The following CBX1 variants were observed in gnomAD, a reference collection of about 807,000 sequenced individuals.
The protein encoded by CBX1 is chromobox 1.
CBX1 carries 10 observed loss-of-function variants against 25.1 expected under a neutral mutation model. The observed-to-expected ratio is 0.40, with a 90% confidence interval of 0.25 to 0.68. CBX1 has a LOEUF of 0.68. CBX1 is among the 30% of genes least tolerant of loss of function. CBX1 has a pLI of 0.40. For synonymous variants in CBX1, 63 were observed against 79.4 expected (o/e 0.79, Z 1.10); for missense variants, 106 against 218.5 (o/e 0.49, Z 3.25).
rs748954073 is a variant in CBX1, at chr17:48,071,423, T to G, written c.*12A>C. 6.2e-7 allele frequency: 1 copy of G among 1,600,284 alleles called. No homozygotes were observed. Among genetic ancestry groups the G allele is most frequent in the Non-Finnish European group, 8.5e-7 (1 of 1,174,110 alleles). ...CACAGTCAGATGTGACAGGGGCTGG[T>G]ACTCAGGAGCGTTAGTTCTTGTCAT... On this transcript the variant is annotated 3_prime_UTR_variant, in exon 5 of 5. Transcript: ENST00000225603.
At position 48,077,843 on chromosome 17, in the gene CBX1, G is replaced by A. The variant is rs201634688; in HGVS notation, c.-37-802C>T. Among the ~76,000 whole-genome samples the A allele has an allele frequency of 7.2e-5, 11 of 152,142 alleles. No individual in the cohort carries two copies. In the East Asian group the frequency reaches 7.8e-4, roughly 11 times the overall value. ...CAAAAAAACCGTTGTAAAAGAGCAC[G>A]GTAGCTAAAATATTGCATTAAATTG... On this transcript the variant is annotated intron_variant, in intron 1 of 4. Transcript: ENST00000225603.
intron 1 of CBX1, 169 bp downstream of exon 1, chr17:48,101,099 C>A: frequency 1.0e-6 from 1 of 986,416 alleles, no homozygotes; most frequent in Non-Finnish European, 1.2e-6. Context: ...GACGCCTCAG[C>A]GACAGGCGAA....
At chr17:48,081,491 T>G (rs1210043904) in intron 1 of CBX1, among the ~76,000 whole-genome samples, 3 of 152,140 alleles carry the variant, frequency 2.0e-5, no homozygotes, top group Non-Finnish European at 4.4e-5. Flanking sequence ...CAGGCTGGAG[T>G]GCAATGGAGC....
At chr17:48,074,869 C>G in intron 4 of CBX1, 137 bp downstream of exon 4, 1 of 712,956 alleles carries the variant, frequency 1.4e-6, no homozygotes, top group Non-Finnish European at 2.5e-6. Context: ...GGCCGAGGGT[C>G]ACTATCGAAG....
chr17:48,086,964 C>A (rs2063315350), intron 1 of CBX1, among the ~76,000 whole-genome samples: 1 of 151,242 alleles, frequency 6.6e-6, no homozygotes, highest in Admixed American at 6.6e-5. Context: ...CAGAGGTGGG[C>A]AGATCACAAG....
intron 1 of CBX1, chr17:48,096,315 T>G (rs1352489754): frequency 6.1e-6 from 6 of 983,698 alleles, no homozygotes; most frequent in Non-Finnish European, 7.2e-6. Context: ...TATGTTGACA[T>G]GGATATTTTG....
rs1489399857 is a variant in CBX1 at position 48,071,549 on chromosome 17, A to G, written c.444T>C (p.Pro148=). ...GGCACTTGACATTGGCTTCCTTGGCAGGGACCAGGTCAGCCTCATCAGAGT... is the reference window on the plus strand; with the variant it reads ...GGCACTTGACATTGGCTTCCTTGGCGGGGACCAGGTCAGCCTCATCAGAGT... ...WKNSDEADLV[P]AKEANVKCPQ... is the part of the protein sequence containing the mutation. The change falls in exon 5 of 5, where the codon CCT becomes CCC. Residue 148 remains proline, a synonymous_variant. Transcript: ENST00000225603. 6.2e-7 allele frequency: 1 copy of G among 1,612,748 alleles called. No homozygotes were observed. Among genetic ancestry groups the G allele is most frequent in the African/African-American group, 1.3e-5 (1 of 74,878 alleles).
At chr17:48,075,561 T>C (rs914003165) in intron 3 of CBX1, among the ~76,000 whole-genome samples, 7 of 152,154 alleles carry the variant, frequency 4.6e-5, no homozygotes, top group African/African-American at 1.7e-4. Context: ...TTAGAATCCT[T>C]TGGAGTGATT....
chr17:48,076,776 G>A, intron 2 of CBX1, 89 bp downstream of exon 2: 1 of 1,186,662 alleles, frequency 8.4e-7, no homozygotes, highest in South Asian at 1.5e-5. Context: ...GAGTCACACT[G>A]TATCCATCAT....
intron 4 of CBX1, among the ~76,000 whole-genome samples, chr17:48,071,855 C>T (rs2037627261): frequency 1.3e-5 from 2 of 151,972 alleles, no homozygotes; most frequent in Admixed American, 6.5e-5. Context: ...GGGCAAGGCC[C>T]CAAAAAGCAT....
At position 48,075,996 on chromosome 17, in the gene CBX1, C is replaced by T. The variant is rs1348490353; in HGVS notation, c.318+5G>A. On this transcript the variant is annotated splice_donor_5th_base_variant and intron_variant, in intron 3 of 4. Coordinates refer to ENST00000225603, the MANE Select transcript of CBX1 (RefSeq NM_001127228.2). ...GCTAGTAAAAATTCTTACTTCTATTCTTACCTCTTCTTTCTTCTTCTTTGG... is the reference window on the plus strand; with the variant it reads ...GCTAGTAAAAATTCTTACTTCTATTTTTACCTCTTCTTTCTTCTTCTTTGG... 1 of 1,582,374 alleles carries T rather than the reference C, an allele frequency of 6.3e-7. No homozygotes were observed. Among genetic ancestry groups the T allele is most frequent in the South Asian group, 1.1e-5 (1 of 88,220 alleles).
chr17:48,091,823 G>A (rs1490982962), intron 1 of CBX1, among the ~76,000 whole-genome samples: 2 of 151,076 alleles, frequency 1.3e-5, no homozygotes, highest in Non-Finnish European at 3.0e-5. Context: ...CATTACAGGC[G>A]TGAGCCACCA....
At chr17:48,081,369 T>G (rs1222074553) in intron 1 of CBX1, among the ~76,000 whole-genome samples, 1 of 152,142 alleles carries the variant, frequency 6.6e-6, no homozygotes, top group Non-Finnish European at 1.5e-5. Flanking sequence ...TAGAATGGCA[T>G]AATTGTTAGG....
chr17:48,100,865 G>A (rs1379444812), intron 1 of CBX1: 61 of 985,538 alleles, frequency 6.2e-5, no homozygotes, highest in Non-Finnish European at 7.3e-5. Context: ...TCCGAATACA[G>A]TTACAAACCT....
At chr17:48,093,098 A>C (rs2063353511) in intron 1 of CBX1, among the ~76,000 whole-genome samples, 1 of 147,938 alleles carries the variant, frequency 6.8e-6, no homozygotes, top group East Asian at 2.0e-4. Context: ...AAGAAAAGAA[A>C]AGAAAAGAAA....
chr17:48,083,397 T>C (rs1451419355), intron 1 of CBX1, among the ~76,000 whole-genome samples: 1 of 150,682 alleles, frequency 6.6e-6, no homozygotes. Flanking sequence ...AACTGGTTTG[T>C]TGTACCTTCT....
intron 1 of CBX1, among the ~76,000 whole-genome samples, chr17:48,087,887 A>AAG (rs2063321716): frequency 6.6e-6 from 1 of 151,772 alleles, no homozygotes; most frequent in Admixed American, 6.6e-5. Flanking sequence ...AAAAAAAAAA[A>AAG]AAAGAAAACA....
chr17:48,095,441 T>C (rs1474734921), intron 1 of CBX1, among the ~76,000 whole-genome samples: 1 of 151,934 alleles, frequency 6.6e-6, no homozygotes, highest in Non-Finnish European at 1.5e-5. Flanking sequence ...AATGCAAAAT[T>C]AGCTGGGCAT....
chr17:48,080,746 C>T (rs928485258), intron 1 of CBX1, among the ~76,000 whole-genome samples: 1 of 150,080 alleles, frequency 6.7e-6, no homozygotes, highest in Non-Finnish European at 1.5e-5. Flanking sequence ...TATGGCGAAA[C>T]CCCATCTCTA....
Sources: gnomAD v4.1 joint callset for allele counts (sites outside exome capture counted in the v4.1 genomes callset) on GRCh38, gnomAD v4.1.1 for gene constraint, MANE v1.5 for transcripts, NCBI Gene and HGNC (gene_info 2026-07-23, HGNC 2026-07-21) for gene names.